Variants in PCSK6 observed in about 807,000 individuals in gnomAD.
The protein encoded by PCSK6 is proprotein convertase subtilisin/kexin type 6.
Under a neutral mutation model 123.3 loss-of-function variants are expected in PCSK6, and 85 were observed. The observed-to-expected ratio is 0.69, with a 90% CI of 0.58 to 0.83. The LOEUF (loss-of-function observed/expected upper bound fraction) is 0.83, where lower values mean the gene tolerates loss of function less well. PCSK6 is among the 40% of genes least tolerant of loss of function. The probability of loss-of-function intolerance (pLI) is 0.00; values close to 1 mark genes in which losing one functional copy is unlikely to be tolerated. For missense variants in PCSK6, 1,191 were observed against 1,282.3 expected (o/e 0.93, Z 1.09); for synonymous variants, 508 against 516.0 (o/e 0.98, Z 0.21).
At chr15:101,438,302 T>C (rs1199875084) in intron 2 of PCSK6, among the ~76,000 whole-genome samples, 1 of 152,218 alleles carries the variant, frequency 6.6e-6, no homozygotes, top group Non-Finnish European at 1.5e-5. Flanking sequence ...CTGAAAACTA[T>C]ATTTAGGATT....
At chr15:101,457,320 T>C (rs74032894) in intron 1 of PCSK6, among the ~76,000 whole-genome samples, 2,422 of 152,328 alleles carry the variant, frequency 0.016, 58 homozygotes, top group African/African-American at 0.052. Flanking sequence ...GTTCCTAAAT[T>C]TCTCTTCAGC....
chr15:101,421,646 CA>C (rs1174821062), intron 6 of PCSK6, among the ~76,000 whole-genome samples: 1 of 152,188 alleles, frequency 6.6e-6, no homozygotes, highest in Non-Finnish European at 1.5e-5. Flanking sequence ...CCAACAGCCC[CA>C]TAAGTAACCC....
chr15:101,370,766 G>A (rs2041560119), intron 11 of PCSK6, among the ~76,000 whole-genome samples: 1 of 152,268 alleles, frequency 6.6e-6, no homozygotes, highest in African/African-American at 2.4e-5. Context: ...TGGTTCGGCT[G>A]GGCACTGTGG....
At chr15:101,379,384 C>T (rs535648290) in intron 11 of PCSK6, among the ~76,000 whole-genome samples, 1 of 152,236 alleles carries the variant, frequency 6.6e-6, no homozygotes, top group Non-Finnish European at 1.5e-5. Context: ...AGCTAGAGGA[C>T]TCCCGTGCTT....
intron 15 of PCSK6, 61 bp downstream of exon 15, chr15:101,331,590 T>C (rs2040371523): frequency 1.1e-5 from 17 of 1,516,650 alleles, no homozygotes; most frequent in Admixed American, 1.8e-5. Flanking sequence ...GTTGGGCATA[T>C]AGACCCTGCT....
chr15:101,404,382 T>G (rs909069341), intron 6 of PCSK6, among the ~76,000 whole-genome samples: 2 of 152,112 alleles, frequency 1.3e-5, no homozygotes, highest in African/African-American at 4.8e-5. Context: ...CGGGTGGACA[T>G]GAAGTGGGGT....
intron 13 of PCSK6, chr15:101,347,176 G>A: frequency 8.1e-7 from 1 of 1,231,678 alleles, no homozygotes; most frequent in Non-Finnish European, 1.0e-6. Flanking sequence ...CGGCACAGAA[G>A]GCATGTGCTT....
Position 101,398,276 on chromosome 15 carries a change from G to A in PCSK6, c.996+128C>T. The A allele has an allele frequency of 8.6e-7, 1 of 1,167,016 alleles. No homozygotes were observed. Among genetic ancestry groups the A allele is most frequent in the Non-Finnish European group, 1.2e-6 (1 of 834,914 alleles). 72.3% of individuals were successfully genotyped at this position (1,167,016 alleles called of 1,614,324 possible). ...GAGTGACTCCTCCACACTGGCCCTG[G>A]CACCTGTCACAGCAGAGTCTTCCCT... On this transcript the variant is annotated intron_variant, in intron 7 of 21. Coordinates refer to ENST00000611716, the MANE Select transcript of PCSK6 (RefSeq NM_002570.5). This position sits in a 1 kb window ranked among gnomAD's most constrained non-coding sequence, Gnocchi z 4.6.
At chr15:101,378,145 T>C (rs1567175679) in intron 11 of PCSK6, among the ~76,000 whole-genome samples, 2 of 152,244 alleles carry the variant, frequency 1.3e-5, no homozygotes, top group Non-Finnish European at 2.9e-5. Context: ...TTCTTTTTCA[T>C]TTGAAGAAAA....
intron 9 of PCSK6, among the ~76,000 whole-genome samples, chr15:101,388,855 T>TAG (rs1157708075): frequency 6.6e-6 from 1 of 152,196 alleles, no homozygotes; most frequent in African/African-American, 2.4e-5. Flanking sequence ...ATGAAATTCA[T>TAG]AGAGACAGAA....
intron 1 of PCSK6, among the ~76,000 whole-genome samples, chr15:101,460,029 C>T (rs1019157634): frequency 6.6e-6 from 1 of 152,142 alleles, no homozygotes; most frequent in Non-Finnish European, 1.5e-5. Context: ...ATGTTTGCCA[C>T]CCACTATCCC....
At chr15:101,450,375 C>T (rs144724086) in intron 1 of PCSK6, among the ~76,000 whole-genome samples, 265 of 152,264 alleles carry the variant, frequency 1.7e-3, no homozygotes, top group African/African-American at 5.8e-3. Context: ...CCCCTGTGCT[C>T]GCTCAAGTCC....
intron 1 of PCSK6, among the ~76,000 whole-genome samples, chr15:101,472,636 G>A (rs2057634797): frequency 6.6e-6 from 1 of 152,218 alleles, no homozygotes; most frequent in South Asian, 2.1e-4. Context: ...AGAGACCAGG[G>A]AGGAGGCTGA....
At chr15:101,489,060 C>T (rs2058091836) in intron 1 of PCSK6, among the ~76,000 whole-genome samples, 1 of 149,520 alleles carries the variant, frequency 6.7e-6, no homozygotes, top group Admixed American at 6.6e-5. Context: ...GCCGCCCCGG[C>T]TTCTGAGGCC....
chr15:101,313,628 G>A (rs2039922545), intron 19 of PCSK6, 123 bp from the exon 20 acceptor site: 17 of 1,419,388 alleles, frequency 1.2e-5, no homozygotes, highest in Non-Finnish European at 1.6e-5. Context: ...CACCACCACA[G>A]CTGCCATTTC....
At chr15:101,452,999 G>A (rs2057075647) in intron 1 of PCSK6, among the ~76,000 whole-genome samples, 1 of 152,168 alleles carries the variant, frequency 6.6e-6, no homozygotes, top group Non-Finnish European at 1.5e-5. Context: ...TCAAAAAATT[G>A]TAAAAGAAAT....
intron 7 of PCSK6, among the ~76,000 whole-genome samples, chr15:101,394,910 C>T (rs1410816132): frequency 6.6e-6 from 1 of 152,174 alleles, no homozygotes. Flanking sequence ...GTGAACCTGT[C>T]GGGGTGGCCA....
intron 6 of PCSK6, among the ~76,000 whole-genome samples, chr15:101,425,032 G>T (rs1427089468): frequency 6.6e-6 from 1 of 152,164 alleles, no homozygotes; most frequent in Non-Finnish European, 1.5e-5. Flanking sequence ...AAGTTAAAGG[G>T]GCAGGTAGGA....
At chr15:101,480,488 C>CTGCT (rs2057848285) in intron 1 of PCSK6, among the ~76,000 whole-genome samples, 1 of 152,180 alleles carries the variant, frequency 6.6e-6, no homozygotes, top group Non-Finnish European at 1.5e-5. Flanking sequence ...GAACCCTAGG[C>CTGCT]TGCTGATCCC....
Sources: gnomAD v4.1 joint callset for allele counts (sites outside exome capture counted in the v4.1 genomes callset) on GRCh38, gnomAD v4.1.1 for gene constraint, Gnocchi (gnomAD v3.1) non-coding constraint, MANE v1.5 for transcripts, NCBI Gene and HGNC (gene_info 2026-07-23, HGNC 2026-07-21) for gene names.